SAMD8: variants seen among roughly 807,000 people sequenced by gnomAD.
SAMD8 encodes sphingomyelin synthase-related protein 1.
A neutral mutation model predicts 42.0 loss-of-function variants in SAMD8; 20 were observed. The ratio of observed to expected loss-of-function variants is 0.48; its 90% CI spans 0.34 to 0.69. The LOEUF (loss-of-function observed/expected upper bound fraction) is 0.69. Ranked by LOEUF, SAMD8 falls within the 30% of genes least tolerant of loss-of-function variation. The probability of loss-of-function intolerance (pLI) is 0.01; values close to 1 mark genes in which losing one functional copy is unlikely to be tolerated. For missense variants in SAMD8, 328 were observed against 511.6 expected, an observed-to-expected ratio of 0.64 and a Z score of 3.46; for synonymous variants, 162 against 173.0, an observed-to-expected ratio of 0.94 and a Z score of 0.50.
chr10:75,136,389 A>G (rs1201111541), intron 1 of SAMD8, among the ~76,000 whole-genome samples: 1 of 152,218 alleles, frequency 6.6e-6, no homozygotes, highest in Admixed American at 6.5e-5. Context: ...TGAAAAACAT[A>G]TCCTGCTTAG....
chr10:75,146,830 A>C (rs1022924845), intron 1 of SAMD8, among the ~76,000 whole-genome samples: 20 of 152,214 alleles, frequency 1.3e-4, no homozygotes, highest in African/African-American at 4.1e-4. Flanking sequence ...CAACATAAAT[A>C]TTAAATTGGC....
intron 1 of SAMD8, among the ~76,000 whole-genome samples, chr10:75,145,446 G>A (rs1027894720): frequency 6.6e-6 from 1 of 152,136 alleles, no homozygotes; most frequent in Admixed American, 6.5e-5. Flanking sequence ...TGAATTAGTT[G>A]TTGGACATTA....
rs1399135102 is a variant in SAMD8, at chr10:75,175,952, G to T, written c.793-114G>T. On this transcript the variant is annotated intron_variant, in intron 4 of 5. Transcript: ENST00000542569. ...ATTAGACTGAAGGCCTAGATGCTTT[G>T]GCTTAGATCTTATTTCTAAGTTATT... is the stretch of plus-strand genomic sequence containing the variant. The T allele has an allele frequency of 2.6e-6, 4 of 1,513,910 alleles. No individual in the cohort carries two copies. In the East Asian group the frequency reaches 6.8e-5, roughly 26 times the overall value. 93.8% of individuals were successfully genotyped at this position (1,513,910 alleles called of 1,614,324 possible). A position where few individuals can be genotyped will look rare whatever the true frequency, so the allele number is the denominator to read the frequency against.
chr10:75,117,366 A>G (rs1342359598), intron 1 of SAMD8, among the ~76,000 whole-genome samples: 1 of 151,456 alleles, frequency 6.6e-6, no homozygotes, highest in African/African-American at 2.4e-5. Context: ...AAGCTGCAGT[A>G]AGCTGTGATT....
intron 1 of SAMD8, among the ~76,000 whole-genome samples, chr10:75,130,073 AT>A (rs1436802590): frequency 1.3e-4 from 20 of 152,188 alleles, no homozygotes; most frequent in African/African-American, 4.6e-4. Flanking sequence ...TATTGTACTT[AT>A]TTAGGAAGTT....
intron 1 of SAMD8, among the ~76,000 whole-genome samples, chr10:75,141,238 C>T (rs1840005864): frequency 6.6e-6 from 1 of 151,760 alleles, no homozygotes; most frequent in Non-Finnish European, 1.5e-5. Context: ...CCTGTGGTCC[C>T]AGCTACTTGG....
chr10:75,150,315 C>G, intron 1 of SAMD8, 199 bp from the exon 2 acceptor site: 1 of 197,752 alleles, frequency 5.1e-6, no homozygotes, highest in Non-Finnish European at 8.2e-6. Flanking sequence ...GAGATAGGAT[C>G]TTGCTACGTG....
chr10:75,143,211 G>A (rs1840061989), intron 1 of SAMD8, among the ~76,000 whole-genome samples: 1 of 152,214 alleles, frequency 6.6e-6, no homozygotes, highest in African/African-American at 2.4e-5. Context: ...GGAGGCTGAG[G>A]CAGGAGAATC....
chr10:75,151,155 A>G, intron 2 of SAMD8, 49 bp downstream of exon 2: 1 of 926,170 alleles, frequency 1.1e-6, no homozygotes. Flanking sequence ...GCTATAATTA[A>G]CAGCAATGAT....
At chr10:75,153,257 C>T (rs1228753298) in intron 2 of SAMD8, among the ~76,000 whole-genome samples, 1 of 151,886 alleles carries the variant, frequency 6.6e-6, no homozygotes, top group Non-Finnish European at 1.5e-5. Context: ...GCTGGGATTA[C>T]AAGCATGAGC....
chr10:75,120,324 T>C (rs1389120853), intron 1 of SAMD8, among the ~76,000 whole-genome samples: 1 of 152,162 alleles, frequency 6.6e-6, no homozygotes, highest in Non-Finnish European at 1.5e-5. Context: ...CAGGCTGGAG[T>C]GCAGTGGCAC....
intron 1 of SAMD8, chr10:75,104,170 G>A (rs1848352259): frequency 1.3e-5 from 15 of 1,140,408 alleles, no homozygotes; most frequent in Non-Finnish European, 1.7e-5. Context: ...TGTTGGGGCA[G>A]GGATAAGAGC....
chr10:75,179,412 T>G lies in SAMD8; in HGVS notation c.*2720T>G, dbSNP rs1473209583. The G allele has an allele frequency of 1.3e-5, 2 of 152,216 alleles. No individual in the cohort carries two copies. The highest frequency in any genetic ancestry group is 2.9e-5 in the Non-Finnish European group (2 of 68,046). 9.4% of individuals were successfully genotyped at this position (152,216 alleles called of 1,614,324 possible). ...TAACCTCAGTCTTCTTTCCTTCATA[T>G]AAATTCTATTCTAAGACCAAATAGA... On this transcript the variant is annotated 3_prime_UTR_variant, in exon 6 of 6. Coordinates refer to ENST00000542569, the MANE Select transcript of SAMD8 (RefSeq NM_001174156.2).
At chr10:75,172,025 CAAA>C (rs750376012) in intron 4 of SAMD8, among the ~76,000 whole-genome samples, 3 of 103,540 alleles carry the variant, frequency 2.9e-5, no homozygotes, top group Admixed American at 2.1e-4. Context: ...GACTCCATCT[CAAA>C]AAAAAAAAAA....
chr10:75,166,318 A>G (rs2657292), intron 3 of SAMD8, among the ~76,000 whole-genome samples: 37,752 of 151,660 alleles, frequency 0.25, 5,200 homozygotes, highest in East Asian at 0.58. Context: ...AAATTTAAAG[A>G]TAAAATTAGT....
chr10:75,145,824 C>CTACT (rs992709959), intron 1 of SAMD8, among the ~76,000 whole-genome samples: 1 of 152,204 alleles, frequency 6.6e-6, no homozygotes, highest in Non-Finnish European at 1.5e-5. Flanking sequence ...TTTTGCCTTA[C>CTACT]TACTATGGCA....
upstream of SAMD8, chr10:75,109,321 C>T (rs953413685): frequency 2.9e-5 from 19 of 656,746 alleles, no homozygotes; most frequent in South Asian, 2.8e-4. Flanking sequence ...CCAAGCCTCC[C>T]CCCACCCCCA....
At chr10:75,104,326 C>T (rs902108829) in intron 1 of SAMD8, among the ~76,000 whole-genome samples, 1 of 152,292 alleles carries the variant, frequency 6.6e-6, no homozygotes, top group South Asian at 2.1e-4. Context: ...TTTCAGAGTA[C>T]CTGGACCCAG....
At chr10:75,154,251 G>A (rs1469803323) in intron 2 of SAMD8, among the ~76,000 whole-genome samples, 2 of 152,132 alleles carry the variant, frequency 1.3e-5, no homozygotes, top group Admixed American at 6.6e-5. Context: ...AACCAACCCC[G>A]TTTATATTGC....
Sources: gnomAD v4.1 joint callset for allele counts (sites outside exome capture counted in the v4.1 genomes callset) on GRCh38, gnomAD v4.1.1 for gene constraint, MANE v1.5 for transcripts, NCBI Gene and HGNC (gene_info 2026-07-23, HGNC 2026-07-21) for gene names.